SBF2: variants seen among roughly 807,000 people sequenced by gnomAD.
SBF2 encodes myotubularin-related protein 13.
Under a neutral mutation model 225.2 loss-of-function variants are expected in SBF2, and 112 were observed. That is an observed-to-expected ratio of 0.50 (90% CI 0.43 to 0.58). SBF2 has a LOEUF of 0.58. Ranked by LOEUF, SBF2 falls within the 20% of genes least tolerant of loss-of-function variation. SBF2 has a pLI of 0.00. For missense variants in SBF2, 1,996 were observed against 2,206.2 expected (o/e 0.90, Z 1.91); for synonymous variants, 763 against 773.3 (o/e 0.99, Z 0.22).
intron 1 of SBF2, among the ~76,000 whole-genome samples, chr11:10,227,238 T>C (rs1470427641): frequency 2.6e-5 from 4 of 152,120 alleles, no homozygotes; most frequent in African/African-American, 9.7e-5. Context: ...GTCAGATGAG[T>C]AGGTTGCAAA....
intron 1 of SBF2, among the ~76,000 whole-genome samples, chr11:10,215,820 T>C (rs2135393617): frequency 6.6e-6 from 1 of 152,342 alleles, no homozygotes; most frequent in Middle Eastern, 3.4e-3. Context: ...GTTACTCCAC[T>C]TAACTGACTT....
At chr11:10,244,060 C>CA (rs1289299074) in intron 1 of SBF2, among the ~76,000 whole-genome samples, 5 of 152,166 alleles carry the variant, frequency 3.3e-5, no homozygotes, top group African/African-American at 7.2e-5. Flanking sequence ...CCAAATTCAA[C>CA]AGCATGTTAA....
In SBF2 at chr11:9,780,677, T is replaced by G. The variant is rs993224256; in HGVS notation, c.5452-161A>C. 3 of 693,636 alleles carry G rather than the reference T, an allele frequency of 4.3e-6. No individual in the cohort carries two copies. In the African/African-American group the frequency reaches 5.3e-5, roughly 12 times the overall value. 43.0% of individuals were successfully genotyped at this position (693,636 alleles called of 1,614,324 possible). On this transcript the variant is annotated intron_variant, in intron 39 of 39. Transcript: ENST00000256190. ...ACTACCATACTGTTATTGCCTTTAC[T>G]TTTGTGGTCTCTAGAGTCATAGGGG...
chr11:10,224,254 C>T (rs1164845639), intron 1 of SBF2, among the ~76,000 whole-genome samples: 1 of 151,884 alleles, frequency 6.6e-6, no homozygotes, highest in East Asian at 1.9e-4. Flanking sequence ...ATAAGTAGAC[C>T]CATGTTGTCT....
chr11:9,791,978 TACACA>T (rs1852773198), intron 33 of SBF2, among the ~76,000 whole-genome samples: 5 of 152,346 alleles, frequency 3.3e-5, no homozygotes, highest in South Asian at 4.1e-4. Flanking sequence ...GGGCAACATG[TACACA>T]TATAAGGAAC....
chr11:10,255,147 A>G (rs1342240319), intron 1 of SBF2, among the ~76,000 whole-genome samples: 2 of 152,022 alleles, frequency 1.3e-5, no homozygotes, highest in African/African-American at 2.4e-5. Context: ...GCCAAAAGAA[A>G]AAGTTCAAGA....
At chr11:10,187,026 A>G (rs2135307259) in intron 2 of SBF2, among the ~76,000 whole-genome samples, 1 of 152,332 alleles carries the variant, frequency 6.6e-6, no homozygotes, top group South Asian at 2.1e-4. Flanking sequence ...TCTTCTCCTA[A>G]GCACACATCT....
At chr11:10,153,155 G>A (rs1379868201) in intron 2 of SBF2, among the ~76,000 whole-genome samples, 1 of 152,178 alleles carries the variant, frequency 6.6e-6, no homozygotes, top group African/African-American at 2.4e-5. Context: ...TTTAGGAATA[G>A]TAACTCTGGT....
chr11:9,940,166 G>C (rs1307206528), intron 16 of SBF2, among the ~76,000 whole-genome samples: 1 of 152,198 alleles, frequency 6.6e-6, no homozygotes, highest in Non-Finnish European at 1.5e-5. Flanking sequence ...CACTTTGGAA[G>C]GCTGAGGCAG....
intron 18 of SBF2, 137 bp downstream of exon 18, chr11:9,858,087 GAT>G (rs746070794): frequency 5.8e-6 from 5 of 860,858 alleles, no homozygotes; most frequent in Middle Eastern, 6.8e-4. Context: ...ACAGAGGAAA[GAT>G]ATCACAGGGC....
chr11:9,855,574 T>G (rs529746176), intron 19 of SBF2, among the ~76,000 whole-genome samples: 1 of 152,376 alleles, frequency 6.6e-6, no homozygotes, highest in East Asian at 1.9e-4. Flanking sequence ...TTCACTCATT[T>G]AATCATCTGT....
chr11:9,980,311 A>C (rs1342501229), intron 13 of SBF2, among the ~76,000 whole-genome samples: 2 of 147,934 alleles, frequency 1.4e-5, no homozygotes, highest in African/African-American at 2.5e-5. Context: ...AAAAAAAAAA[A>C]AATTTGTAGA....
In SBF2 at chr11:9,829,418, A is replaced by G. The variant is rs757063919; in HGVS notation, c.3731T>C (p.Val1244Ala). Residue 1244 changes from valine to alanine, a missense_variant, in exon 28 of 40, where the codon GTC becomes GCC. By Grantham distance (64) the Val-to-Ala change is moderately conservative. Coordinates refer to ENST00000256190, the MANE Select transcript of SBF2 (RefSeq NM_030962.4). ...YLQALLNAVS[V>A]HQKLRGNSTL... ...GCTGTTGCCTCTGAGTTTCTGATGG[A>G]CAGAAACAGCATTCAGTAAGGCTTG... 8.7e-6 allele frequency: 14 copies of G among 1,613,210 alleles called. No individual in the cohort carries two copies. The South Asian group carries it at 1.1e-4, about 13-fold the overall frequency.
intron 1 of SBF2, among the ~76,000 whole-genome samples, chr11:10,228,278 T>C (rs953312831): frequency 1.1e-4 from 17 of 152,332 alleles, no homozygotes; most frequent in South Asian, 6.2e-4. Flanking sequence ...CAGGGACAGT[T>C]TGACTTCCTC....
At chr11:9,992,345 T>C in intron 12 of SBF2, 70 bp downstream of exon 12, 2 of 1,274,090 alleles carry the variant, frequency 1.6e-6, no homozygotes, top group Non-Finnish European at 1.1e-6. Flanking sequence ...ATGGAAAATG[T>C]TACTTTTTAC....
intron 26 of SBF2, among the ~76,000 whole-genome samples, chr11:9,834,539 C>G (rs79390419): frequency 9.1e-4 from 139 of 152,270 alleles, no homozygotes; most frequent in Admixed American, 2.0e-3. Flanking sequence ...TAACCTTCAA[C>G]TACTTTACTG....
intron 2 of SBF2, among the ~76,000 whole-genome samples, chr11:10,172,534 G>A (rs1320731760): frequency 1.3e-5 from 2 of 151,958 alleles, no homozygotes; most frequent in African/African-American, 2.4e-5. Context: ...TTATTTTTTA[G>A]TAGAGACGGG....
chr11:9,850,914 T>A (rs1426528998), intron 21 of SBF2, among the ~76,000 whole-genome samples: 4 of 152,042 alleles, frequency 2.6e-5, no homozygotes, highest in South Asian at 2.1e-4. Flanking sequence ...GGCAGATGGA[T>A]CACCTGAGGT....
chr11:9,934,139 C>T (rs542189057), intron 16 of SBF2, among the ~76,000 whole-genome samples: 60 of 151,822 alleles, frequency 4.0e-4, no homozygotes, highest in African/African-American at 1.2e-3. Flanking sequence ...ACCACCGATC[C>T]CACAGAAATA....
Sources: gnomAD v4.1 joint callset for allele counts (sites outside exome capture counted in the v4.1 genomes callset) on GRCh38, gnomAD v4.1.1 for gene constraint, MANE v1.5 for transcripts, NCBI Gene and HGNC (gene_info 2026-07-23, HGNC 2026-07-21) for gene names.